Variants in MARCHF1 observed in about 807,000 individuals in gnomAD.
The protein encoded by MARCHF1 is E3 ubiquitin-protein ligase MARCHF1.
MARCHF1 carries 40 observed loss-of-function variants against 54.2 expected under a neutral mutation model. The observed-to-expected ratio is 0.74, with a 90% CI of 0.57 to 0.96. MARCHF1 has a LOEUF of 0.96. Among genes scored for constraint, MARCHF1 ranks in the 40% least tolerant of loss-of-function variants. The pLI is 0.00. For missense variants in MARCHF1, 586 were observed against 656.5 expected, an observed-to-expected ratio of 0.89 and a Z score of 1.17; for synonymous variants, 236 against 236.3, an observed-to-expected ratio of 1.00 and a Z score of 0.01.
intron 5 of MARCHF1, among the ~76,000 whole-genome samples, chr4:163,687,638 A>G (rs1239080597): frequency 2.0e-5 from 3 of 152,158 alleles, no homozygotes; most frequent in Non-Finnish European, 4.4e-5. Flanking sequence ...GTGAATTTCA[A>G]TGTGTTGTGA....
chr4:164,095,415 A>AAAC, intron 2 of MARCHF1, among the ~76,000 whole-genome samples: 1 of 148,936 alleles, frequency 6.7e-6, no homozygotes, highest in African/African-American at 2.5e-5. Flanking sequence ...CACACACACA[A>AAAC]ACACACACAC....
chr4:163,901,836 C>T (rs79743645), intron 3 of MARCHF1, among the ~76,000 whole-genome samples: 4,953 of 152,268 alleles, frequency 0.033, 129 homozygotes, highest in Non-Finnish European at 0.051. Flanking sequence ...GAACCAACAA[C>T]GGTACAAATG....
In MARCHF1 at chr4:164,138,389, G is replaced by A. The variant is rs111659745; in HGVS notation, c.-322-26727C>T. Reference sequence around the variant, plus strand: ...GGGAGATAAAGGATTTCAAGAGTCAGTGAGCCAAAGAAGAGTGAGATCCTG... The same window carrying A: ...GGGAGATAAAGGATTTCAAGAGTCAATGAGCCAAAGAAGAGTGAGATCCTG... On this transcript the variant is annotated intron_variant, in intron 1 of 9. Transcript: ENST00000514618. Among the ~76,000 whole-genome samples the A allele has an allele frequency of 3.5e-3, 535 of 152,200 alleles. 5 individuals are homozygous for A. Among genetic ancestry groups the A allele is most frequent in the African/African-American group, 0.012 (514 of 41,522 alleles).
chr4:163,944,215 C>T (rs866676093), intron 3 of MARCHF1, among the ~76,000 whole-genome samples: 2 of 151,218 alleles, frequency 1.3e-5, no homozygotes, highest in Middle Eastern at 3.4e-3. Flanking sequence ...ATCTCCTGAC[C>T]TCGTGATCCA....
chr4:164,118,545 C>T (rs993238892), intron 1 of MARCHF1, among the ~76,000 whole-genome samples: 9 of 150,148 alleles, frequency 6.0e-5, no homozygotes, highest in Admixed American at 4.6e-4. Flanking sequence ...TATAATACAC[C>T]CATTTAAGCT....
intron 1 of MARCHF1, among the ~76,000 whole-genome samples, chr4:164,177,536 A>G (rs909171738): frequency 6.6e-6 from 1 of 151,980 alleles, no homozygotes; most frequent in African/African-American, 2.4e-5. Context: ...TTCTGCTTTT[A>G]AGATAAAACT....
intron 2 of MARCHF1, among the ~76,000 whole-genome samples, chr4:164,108,671 A>G (rs1007299268): frequency 4.6e-5 from 7 of 152,112 alleles, no homozygotes; most frequent in African/African-American, 1.7e-4. Context: ...TAAATTAAAA[A>G]AAACTTGGAA....
At chr4:163,690,766 G>A (rs1391269544) in intron 5 of MARCHF1, among the ~76,000 whole-genome samples, 1 of 152,162 alleles carries the variant, frequency 6.6e-6, no homozygotes, top group Non-Finnish European at 1.5e-5. Context: ...GCTAACCAAA[G>A]CGAGCTAGAA....
At chr4:164,259,562 AAAAG>A (rs1560977870) in intron 1 of MARCHF1, among the ~76,000 whole-genome samples, 1 of 74,508 alleles carries the variant, frequency 1.3e-5, no homozygotes, top group African/African-American at 4.7e-5. Context: ...AAAAAAAAAA[AAAAG>A]AAAAAAGAAA....
Position 163,846,661 on chromosome 4 carries a change from T to A in MARCHF1, c.111+7360A>T, listed in dbSNP as rs144187082. ...AGAAGTAATTTTGTAATCATTTTAG[T>A]TTCTGAAACTTTTACAATGTATTTT... On this transcript the variant is annotated intron_variant, in intron 4 of 9. Coordinates refer to ENST00000514618, the MANE Select transcript of MARCHF1 (RefSeq NM_001394959.1). Among the ~76,000 whole-genome samples the A allele has an allele frequency of 3.6e-3, 555 of 152,236 alleles. 5 individuals carry two copies. The highest frequency in any genetic ancestry group is 5.3e-3 in the Non-Finnish European group (361 of 68,000).
intron 1 of MARCHF1, among the ~76,000 whole-genome samples, chr4:164,138,877 A>G (rs2110848459): frequency 6.6e-6 from 1 of 152,178 alleles, no homozygotes; most frequent in East Asian, 1.9e-4. Flanking sequence ...TTTGATTTTG[A>G]AAAAAAAGTA....
At chr4:164,022,941 C>A (rs1052632537) in intron 2 of MARCHF1, among the ~76,000 whole-genome samples, 4 of 152,200 alleles carry the variant, frequency 2.6e-5, no homozygotes, top group Admixed American at 2.6e-4. Flanking sequence ...TTTCTGGAAT[C>A]CTGGGAGCAC....
chr4:164,326,511 T>C (rs1205377261), intron 1 of MARCHF1, among the ~76,000 whole-genome samples: 1 of 152,310 alleles, frequency 6.6e-6, no homozygotes, highest in South Asian at 2.1e-4. Flanking sequence ...AAATTGTGGC[T>C]ACTGGACAGT....
At chr4:164,157,780 C>G (rs1204811740) in intron 1 of MARCHF1, among the ~76,000 whole-genome samples, 2 of 152,130 alleles carry the variant, frequency 1.3e-5, no homozygotes, top group Admixed American at 1.3e-4. Context: ...CTCTATTCCA[C>G]TATGACCTCA....
intron 3 of MARCHF1, among the ~76,000 whole-genome samples, chr4:163,910,614 C>A (rs761137431): frequency 1.3e-5 from 2 of 152,178 alleles, no homozygotes; most frequent in African/African-American, 4.8e-5. Context: ...CCTGCCTCAG[C>A]CTCATGAGTA....
In MARCHF1 at chr4:164,056,598, G is replaced by A. The variant is rs576762267; in HGVS notation, c.-248+54990C>T. 3.9e-5 allele frequency among the ~76,000 whole-genome samples: 6 copies of A among 152,164 alleles called. No individual in the cohort carries two copies. In the East Asian group the frequency reaches 5.8e-4, roughly 15 times the overall value. On this transcript the variant is annotated intron_variant, in intron 2 of 9. Transcript: ENST00000514618. Reference sequence around the variant, plus strand: ...AATGTTAGTATTGTTATCCATTTCCGACTTGTTCATTTAGATTAATAGATT... The same window carrying A: ...AATGTTAGTATTGTTATCCATTTCCAACTTGTTCATTTAGATTAATAGATT...
chr4:163,988,961 T>C (rs1292355743), intron 2 of MARCHF1: 2 of 152,160 alleles, frequency 1.3e-5, no homozygotes, highest in African/African-American at 4.8e-5. Flanking sequence ...ATAACTGTCA[T>C]GGAAACCAAG....
At chr4:164,347,074 A>G (rs1730128231) in intron 1 of MARCHF1, among the ~76,000 whole-genome samples, 1 of 152,082 alleles carries the variant, frequency 6.6e-6, no homozygotes, top group Non-Finnish European at 1.5e-5. Flanking sequence ...CCTTGCTTAT[A>G]TACTGATGTT....
At chr4:163,531,695 ATTAAG>A (rs1453759452) in intron 9 of MARCHF1, among the ~76,000 whole-genome samples, 1 of 151,912 alleles carries the variant, frequency 6.6e-6, no homozygotes, top group African/African-American at 2.4e-5. Context: ...CAAAGAACTG[ATTAAG>A]TTTTTTTTTT....
Sources: gnomAD v4.1 joint callset for allele counts (sites outside exome capture counted in the v4.1 genomes callset) on GRCh38, gnomAD v4.1.1 for gene constraint, MANE v1.5 for transcripts, NCBI Gene and HGNC (gene_info 2026-07-23, HGNC 2026-07-21) for gene names.